Variants in FSTL4 observed in about 807,000 individuals in gnomAD.
FSTL4 encodes the protein follistatin-related protein 4.
In FSTL4, 28 loss-of-function variants were observed where a neutral mutation model predicts 78.2. The ratio of observed to expected loss-of-function variants is 0.36; its 90% CI spans 0.27 to 0.49. The LOEUF (loss-of-function observed/expected upper bound fraction) is 0.49. Ranked by LOEUF, FSTL4 falls within the 20% of genes least tolerant of loss-of-function variation. The probability of loss-of-function intolerance (pLI) is 0.98; values close to 1 mark genes in which losing one functional copy is unlikely to be tolerated. For missense variants in FSTL4, 922 were observed against 1,084.9 expected (o/e 0.85, Z 2.11); for synonymous variants, 422 against 440.5 (o/e 0.96, Z 0.53).
chr5:133,692,490 G>A, the FSTL4 span, among the ~76,000 whole-genome samples: 1 of 152,186 alleles, frequency 6.6e-6, no homozygotes, highest in Non-Finnish European at 1.5e-5. Context: ...AAAGGGCAGT[G>A]GCCTGGGCTT....
At chr5:133,763,099 G>A in the FSTL4 span, among the ~76,000 whole-genome samples, 12 of 152,328 alleles carry the variant, frequency 7.9e-5, no homozygotes, top group African/African-American at 2.4e-5. Context: ...AGGAGTCCTA[G>A]GAATGCTGAG....
At chr5:133,332,464 T>C (rs895227856) in intron 4 of FSTL4, among the ~76,000 whole-genome samples, 1 of 152,156 alleles carries the variant, frequency 6.6e-6, no homozygotes, top group Non-Finnish European at 1.5e-5. Flanking sequence ...CAAAGAAAAG[T>C]GTACACAGCT....
the FSTL4 span, among the ~76,000 whole-genome samples, chr5:133,780,480 T>C: frequency 7.6e-6 from 1 of 131,838 alleles, no homozygotes; most frequent in Non-Finnish European, 1.6e-5. Context: ...TCCAAGCAAA[T>C]CAGCTTGTCT....
At chr5:133,290,125 C>A (rs1753224714) in intron 6 of FSTL4, among the ~76,000 whole-genome samples, 2 of 152,198 alleles carry the variant, frequency 1.3e-5, no homozygotes, top group African/African-American at 4.8e-5. Context: ...GCAGCACCAG[C>A]AGGGTGTGGC....
chr5:133,221,911 T>TG (rs1751135983), intron 11 of FSTL4, among the ~76,000 whole-genome samples: 4 of 115,844 alleles, frequency 3.5e-5, no homozygotes, highest in African/African-American at 8.6e-5. Context: ...TTTTTTTTTT[T>TG]TTTTTTTTTT....
the FSTL4 span, among the ~76,000 whole-genome samples, chr5:133,692,944 C>G: frequency 6.6e-6 from 1 of 152,200 alleles, no homozygotes; most frequent in Admixed American, 6.5e-5. Context: ...ATCACAGCTG[C>G]GATGTTATGC....
chr5:133,471,529 T>C (rs1757826713), intron 3 of FSTL4, among the ~76,000 whole-genome samples: 1 of 152,190 alleles, frequency 6.6e-6, no homozygotes, highest in East Asian at 1.9e-4. Flanking sequence ...CCTTCTGCCA[T>C]GTGAGGACAC....
intron 6 of FSTL4, among the ~76,000 whole-genome samples, chr5:133,277,016 A>G (rs1752897998): frequency 6.6e-6 from 1 of 152,182 alleles, no homozygotes; most frequent in Non-Finnish European, 1.5e-5. Context: ...TGATATTAGA[A>G]AGACAGGGTA....
chr5:133,554,274 G>C (rs946010115), intron 3 of FSTL4, among the ~76,000 whole-genome samples: 2 of 152,200 alleles, frequency 1.3e-5, no homozygotes, highest in African/African-American at 4.8e-5. Context: ...ATGGGGGGGA[G>C]GTGCCTGGAC....
intron 6 of FSTL4, among the ~76,000 whole-genome samples, chr5:133,293,086 T>A (rs966058837): frequency 1.3e-5 from 2 of 152,118 alleles, no homozygotes; most frequent in Non-Finnish European, 2.9e-5. Context: ...CACAGCCACC[T>A]CCCGCCACTC....
intron 3 of FSTL4, among the ~76,000 whole-genome samples, chr5:133,405,182 G>A (rs1756329097): frequency 6.6e-6 from 1 of 152,172 alleles, no homozygotes; most frequent in Non-Finnish European, 1.5e-5. Context: ...ACACGACCTA[G>A]CACTGAATTC....
intron 3 of FSTL4, among the ~76,000 whole-genome samples, chr5:133,530,343 C>T (rs1474451047): frequency 6.6e-6 from 1 of 152,212 alleles, no homozygotes; most frequent in African/African-American, 2.4e-5. Flanking sequence ...TTCAAGGTTA[C>T]AGCAGGTTAA....
intron 3 of FSTL4, among the ~76,000 whole-genome samples, chr5:133,556,736 G>A (rs1759796209): frequency 6.6e-6 from 1 of 152,070 alleles, no homozygotes; most frequent in Non-Finnish European, 1.5e-5. Context: ...CTGTGTTCCT[G>A]TCTGCCACCC....
chr5:133,467,510 C>T (rs746069773), intron 3 of FSTL4, among the ~76,000 whole-genome samples: 2 of 152,152 alleles, frequency 1.3e-5, no homozygotes, highest in Non-Finnish European at 2.9e-5. Context: ...GTGTCTTGGG[C>T]CGCCCCTACT....
At chr5:133,392,088 C>T (rs1462927813) in intron 4 of FSTL4, among the ~76,000 whole-genome samples, 2 of 152,184 alleles carry the variant, frequency 1.3e-5, no homozygotes, top group East Asian at 1.9e-4. Flanking sequence ...GGAAAGCTTA[C>T]TCTAAATGCC....
intron 4 of FSTL4, among the ~76,000 whole-genome samples, chr5:133,355,054 A>T (rs1580644217): frequency 6.6e-6 from 1 of 152,188 alleles, no homozygotes; most frequent in South Asian, 2.1e-4. Context: ...GGCAGATTTT[A>T]TCAGCCCTAA....
the FSTL4 span, among the ~76,000 whole-genome samples, chr5:133,840,990 T>C: frequency 6.6e-6 from 1 of 152,252 alleles, no homozygotes; most frequent in South Asian, 2.1e-4. Context: ...GACCTCCTCA[T>C]GCCCACAAGG....
chr5:133,642,316 A>G, the FSTL4 span, among the ~76,000 whole-genome samples: 1 of 152,192 alleles, frequency 6.6e-6, no homozygotes, highest in Non-Finnish European at 1.5e-5. Context: ...CTGCATCTGA[A>G]TGGCTTACTG....
At chr5:133,325,934 C>T (rs1357028800) in intron 4 of FSTL4, among the ~76,000 whole-genome samples, 2 of 152,186 alleles carry the variant, frequency 1.3e-5, no homozygotes, top group Non-Finnish European at 1.5e-5. Context: ...AGCAAAGCTT[C>T]GATCTTCACC....
Sources: gnomAD v4.1 joint callset for allele counts (sites outside exome capture counted in the v4.1 genomes callset) on GRCh38, gnomAD v4.1.1 for gene constraint, MANE v1.5 for transcripts, NCBI Gene and HGNC (gene_info 2026-07-23, HGNC 2026-07-21) for gene names.